The following XYLT1 variants were observed in gnomAD, a reference collection of about 807,000 sequenced individuals.
XYLT1 encodes xylosyltransferase 1, also known as beta-D-xylosyltransferase 1.
XYLT1 carries 36 observed loss-of-function variants against 91.3 expected under a neutral mutation model. The observed-to-expected ratio is 0.39, with a 90% confidence interval of 0.30 to 0.52. XYLT1 has a LOEUF of 0.52. XYLT1 is among the 20% of genes least tolerant of loss of function. XYLT1 has a pLI of 0.68. For synonymous variants in XYLT1, 588 were observed against 532.0 expected, an observed-to-expected ratio of 1.11 and a Z score of -1.45; for missense variants, 1,242 against 1,284.5, an observed-to-expected ratio of 0.97 and a Z score of 0.51.
At chr16:17,114,599 GC>G (rs1966848334) in intron 11 of XYLT1, among the ~76,000 whole-genome samples, 1 of 152,276 alleles carries the variant, frequency 6.6e-6, no homozygotes, top group Admixed American at 6.5e-5. Flanking sequence ...AACTCCCTTT[GC>G]TAGGACTCAA....
intron 2 of XYLT1, among the ~76,000 whole-genome samples, chr16:17,310,363 C>T (rs1006604088): frequency 2.6e-5 from 4 of 152,202 alleles, no homozygotes; most frequent in African/African-American, 7.2e-5. Context: ...TGGGTCAAGA[C>T]TCACAGTCAT....
intron 5 of XYLT1, among the ~76,000 whole-genome samples, chr16:17,163,012 T>C (rs898472276): frequency 1.3e-5 from 2 of 152,244 alleles, no homozygotes; most frequent in Admixed American, 1.3e-4. Context: ...AGTAATCCCC[T>C]GATAAATGTC....
intron 5 of XYLT1, chr16:17,197,912 T>A: frequency 2.3e-6 from 1 of 434,558 alleles, no homozygotes; most frequent in Non-Finnish European, 4.2e-6. Context: ...CCTATCCTGT[T>A]AGTTCTGTCC....
chr16:17,344,710 CT>C (rs879806292), intron 2 of XYLT1, among the ~76,000 whole-genome samples: 276 of 143,244 alleles, frequency 1.9e-3, no homozygotes, highest in Middle Eastern at 3.5e-3. Context: ...TCTAAGGATT[CT>C]TTTTTTTTTT....
intron 2 of XYLT1, among the ~76,000 whole-genome samples, chr16:17,351,194 T>C (rs1165831929): frequency 2.0e-5 from 3 of 152,120 alleles, no homozygotes; most frequent in Admixed American, 6.5e-5. Context: ...GAGTCAGTCA[T>C]GTCAATGCAG....
chr16:17,409,164 G>A (rs950705307), intron 1 of XYLT1, among the ~76,000 whole-genome samples: 7 of 152,272 alleles, frequency 4.6e-5, no homozygotes, highest in East Asian at 3.9e-4. Flanking sequence ...CTCCTCCTTC[G>A]ACGCTAGAAA....
chr16:17,336,416 C>T (rs1014101755), intron 2 of XYLT1, among the ~76,000 whole-genome samples: 5 of 152,134 alleles, frequency 3.3e-5, no homozygotes, highest in East Asian at 1.9e-4. Context: ...CAGCTGTCCA[C>T]GGTCAGGGGA....
Position 17,282,829 on chromosome 16 carries a change from A to T in XYLT1, c.403-23331T>A, listed in dbSNP as rs185286494. Reference sequence around the variant, plus strand: ...TTGAAAGCAAGAATATTTACTGCATACTTACTATATGCCACTGTTGTAAGG... The same window carrying T: ...TTGAAAGCAAGAATATTTACTGCATTCTTACTATATGCCACTGTTGTAAGG... On this transcript the variant is annotated intron_variant, in intron 2 of 11. Coordinates refer to ENST00000261381, the MANE Select transcript of XYLT1 (RefSeq NM_022166.4). 9.2e-5 allele frequency among the ~76,000 whole-genome samples: 14 copies of T among 152,330 alleles called. No individual in the cohort carries two copies. In the East Asian group the frequency reaches 2.7e-3, roughly 29 times the overall value.
chr16:17,319,730 C>A (rs554747675), intron 2 of XYLT1, among the ~76,000 whole-genome samples: 45 of 152,298 alleles, frequency 3.0e-4, no homozygotes, highest in African/African-American at 1.1e-3. Flanking sequence ...CGTGAGCCCC[C>A]ACACCCCGCC....
At chr16:17,109,043 G>T in intron 11 of XYLT1, 26 bp from the exon 12 acceptor site, 1 of 1,490,546 alleles carries the variant, frequency 6.7e-7, no homozygotes. Flanking sequence ...AACAATTTCA[G>T]GATCAGAAGA....
rs1027403474 is a variant in XYLT1, at chr16:17,153,575, C to T, written c.1370+5254G>A. Among the ~76,000 whole-genome samples the T allele has an allele frequency of 2.6e-5, 4 of 152,282 alleles. No individual in the cohort carries two copies. The South Asian group carries it at 6.2e-4, about 24-fold the overall frequency. On this transcript the variant is annotated intron_variant, in intron 6 of 11. Coordinates refer to ENST00000261381, the MANE Select transcript of XYLT1 (RefSeq NM_022166.4). ...GATTACAGGTGTGAGCCACTGTGCC[C>T]GGCCTCTAAGCTAACTTTAAATAGC...
Position 17,138,336 on chromosome 16 carries a change from G to C in XYLT1, c.1764+19C>G. The C allele has an allele frequency of 6.2e-7, 1 of 1,605,516 alleles. No individual in the cohort carries two copies. The highest frequency in any genetic ancestry group is 8.5e-7 in the Non-Finnish European group (1 of 1,173,636). Reference sequence around the variant, plus strand: ...GAAGGCATCACTTAGGAGGCTGGCAGACCATGAGAAAGTCTCACCTGGAAG... The same window carrying C: ...GAAGGCATCACTTAGGAGGCTGGCACACCATGAGAAAGTCTCACCTGGAAG... On this transcript the variant is annotated intron_variant, in intron 8 of 11. Coordinates refer to ENST00000261381, the MANE Select transcript of XYLT1 (RefSeq NM_022166.4).
chr16:17,115,965 TACTG>T (rs916619218), intron 11 of XYLT1, among the ~76,000 whole-genome samples: 2 of 137,948 alleles, frequency 1.4e-5, no homozygotes, highest in Non-Finnish European at 3.1e-5. Flanking sequence ...GCTTTATATA[TACTG>T]ACTTAGAAAG....
chr16:17,370,973 A>G (rs922862321), intron 1 of XYLT1, among the ~76,000 whole-genome samples: 6 of 152,150 alleles, frequency 3.9e-5, no homozygotes, highest in African/African-American at 1.4e-4. Flanking sequence ...TGCTGTGGGC[A>G]TTGGTGTTTG....
At chr16:17,150,494 A>G (rs1261608639) in intron 6 of XYLT1, among the ~76,000 whole-genome samples, 1 of 152,236 alleles carries the variant, frequency 6.6e-6, no homozygotes, top group Non-Finnish European at 1.5e-5. Flanking sequence ...GCTACCATTT[A>G]TTGAGCGTAT....
At chr16:17,276,997 C>A (rs1313219924) in intron 2 of XYLT1, among the ~76,000 whole-genome samples, 1 of 152,186 alleles carries the variant, frequency 6.6e-6, no homozygotes, top group African/African-American at 2.4e-5. Flanking sequence ...CCTACAACGA[C>A]TTTTCATACA....
intron 1 of XYLT1, among the ~76,000 whole-genome samples, chr16:17,369,130 C>CT (rs36042244): frequency 0.3 from 36,951 of 124,852 alleles, 5,894 homozygotes; most frequent in Non-Finnish European, 0.37. Flanking sequence ...AAAAATACTT[C>CT]TTTTTTTTTT....
rs575601871 is a variant in XYLT1, at chr16:17,287,344, G to A, written c.403-27846C>T. Among the ~76,000 whole-genome samples the A allele has an allele frequency of 2.0e-4, 31 of 152,152 alleles. 1 individual carries two copies. Among genetic ancestry groups the A allele is most frequent in the South Asian group, 4.1e-4 (2 of 4,822 alleles). ...CCTCAAGCAGGCAAACGCTCAGAAC[G>A]TAGACGGATCCCTCTAGATCATACT... On this transcript the variant is annotated intron_variant, in intron 2 of 11. Coordinates refer to ENST00000261381, the MANE Select transcript of XYLT1 (RefSeq NM_022166.4).
At chr16:17,294,392 C>T (rs1306723915) in intron 2 of XYLT1, among the ~76,000 whole-genome samples, 2 of 152,110 alleles carry the variant, frequency 1.3e-5, no homozygotes, top group Non-Finnish European at 2.9e-5. Flanking sequence ...TGTTACTGCT[C>T]GAAAGTACAA....
Sources: gnomAD v4.1 joint callset for allele counts (sites outside exome capture counted in the v4.1 genomes callset) on GRCh38, gnomAD v4.1.1 for gene constraint, MANE v1.5 for transcripts, NCBI Gene and HGNC (gene_info 2026-07-23, HGNC 2026-07-21) for gene names.